NT5C2: variants seen among roughly 807,000 people sequenced by gnomAD.
NT5C2 encodes the protein 5'-nucleotidase, cytosolic II, also known as cytosolic purine 5'-nucleotidase.
Under a neutral mutation model 76.1 loss-of-function variants are expected in NT5C2, and 58 were observed. That is an observed-to-expected ratio of 0.76 (90% confidence interval 0.62 to 0.95). The LOEUF (loss-of-function observed/expected upper bound fraction) is 0.95. Ranked by LOEUF, NT5C2 falls within the 40% of genes least tolerant of loss-of-function variation. The pLI is 0.00. For synonymous variants in NT5C2, 229 were observed against 237.4 expected (o/e 0.96, Z 0.32); for missense variants, 478 against 690.3 (o/e 0.69, Z 3.45).
chr10:103,193,148 G>C (rs921507873), intron 1 of NT5C2, 88 bp downstream of exon 1: 1 of 152,098 alleles, frequency 6.6e-6, no homozygotes, highest in Non-Finnish European at 1.5e-5. Flanking sequence ...CGCTACCCTG[G>C]GGTCGCGTGT....
At chr10:103,161,788 C>T (rs2084954845) in intron 3 of NT5C2, among the ~76,000 whole-genome samples, 1 of 151,924 alleles carries the variant, frequency 6.6e-6, no homozygotes, top group Non-Finnish European at 1.5e-5. Context: ...CACAGAAGGC[C>T]ATAAACTGTA....
chr10:103,153,729 A>G, intron 3 of NT5C2: 1 of 985,440 alleles, frequency 1.0e-6, no homozygotes, highest in South Asian at 4.7e-5. Flanking sequence ...TGGTCGGTCA[A>G]AATCATTTTT....
At chr10:103,093,094 G>C in intron 15 of NT5C2, 45 bp downstream of exon 15, 1 of 1,444,976 alleles carries the variant, frequency 6.9e-7, no homozygotes, top group Non-Finnish European at 9.2e-7. Flanking sequence ...ATTCAAAGCT[G>C]GTCATTTAGA....
intron 18 of NT5C2, 155 bp from the exon 19 acceptor site, chr10:103,090,063 A>C: frequency 1.9e-6 from 1 of 532,984 alleles, no homozygotes; most frequent in Non-Finnish European, 3.2e-6. Flanking sequence ...AGAACTACTT[A>C]TAGTTGCCTG....
intron 3 of NT5C2, among the ~76,000 whole-genome samples, 165 bp downstream of exon 3, chr10:103,174,693 T>A (rs1331887274): frequency 6.6e-6 from 1 of 152,248 alleles, no homozygotes; most frequent in African/African-American, 2.4e-5. Flanking sequence ...AGCAGTATGG[T>A]GTACTAGTAG....
At chr10:103,139,193 T>C (rs1023708374) in intron 4 of NT5C2, among the ~76,000 whole-genome samples, 3 of 152,204 alleles carry the variant, frequency 2.0e-5, no homozygotes, top group Non-Finnish European at 4.4e-5. Context: ...TTTAGTACTT[T>C]TTCTATCTAT....
In NT5C2 at chr10:103,090,419, A is replaced by C. The variant is rs111781201; in HGVS notation, c.1449+192T>G. Among the ~76,000 whole-genome samples, 800 of 152,226 alleles carry C rather than the reference A, an allele frequency of 5.3e-3. 8 individuals carry two copies. The highest frequency in any genetic ancestry group is 0.019 in the African/African-American group (769 of 41,532). On this transcript the variant is annotated intron_variant, in intron 18 of 18. Coordinates refer to ENST00000404739, the MANE Select transcript of NT5C2 (RefSeq NM_001351169.2). The stretch of plus-strand genomic sequence containing the variant: ...TTAATAGAGTAGACTTCAGAGAGTA[A>C]AGTTACACTCTTAACTTCCAATGTT...
intron 4 of NT5C2, among the ~76,000 whole-genome samples, chr10:103,129,156 C>T (rs1351196569): frequency 2.6e-5 from 3 of 114,538 alleles, no homozygotes; most frequent in Non-Finnish European, 3.8e-5. Flanking sequence ...CCAGCCGCCC[C>T]GTCCGGGAGG....
intron 4 of NT5C2, among the ~76,000 whole-genome samples, chr10:103,112,311 T>G (rs1486298449): frequency 6.6e-6 from 1 of 152,156 alleles, no homozygotes; most frequent in Non-Finnish European, 1.5e-5. Context: ...ACTACTAGGT[T>G]AGTCATTATC....
chr10:103,183,769 A>T (rs1490234562), intron 1 of NT5C2, among the ~76,000 whole-genome samples: 1 of 151,996 alleles, frequency 6.6e-6, no homozygotes, highest in Non-Finnish European at 1.5e-5. Context: ...AAGCCAGACC[A>T]CTGCTATGCT....
intron 4 of NT5C2, among the ~76,000 whole-genome samples, chr10:103,115,710 T>C (rs908149573): frequency 6.6e-6 from 1 of 152,154 alleles, no homozygotes; most frequent in East Asian, 1.9e-4. Flanking sequence ...GTGAAAACTT[T>C]AACTGGGATA....
At chr10:103,183,287 A>AT (rs1275822579) in intron 1 of NT5C2, among the ~76,000 whole-genome samples, 3 of 123,000 alleles carry the variant, frequency 2.4e-5, no homozygotes, top group Admixed American at 1.8e-4. Flanking sequence ...ATATATATAT[A>AT]TATATATCAC....
intron 4 of NT5C2, among the ~76,000 whole-genome samples, chr10:103,136,623 A>ATT (rs1321785782): frequency 7.6e-6 from 1 of 132,258 alleles, no homozygotes; most frequent in African/African-American, 2.8e-5. Flanking sequence ...GATTCAGTTA[A>ATT]TTATTTTTTT....
chr10:103,156,839 C>T (rs2083513086), intron 3 of NT5C2, among the ~76,000 whole-genome samples: 1 of 151,724 alleles, frequency 6.6e-6, no homozygotes, highest in Non-Finnish European at 1.5e-5. Flanking sequence ...AGGCAGATCA[C>T]GAGGTCAGGA....
intron 15 of NT5C2, among the ~76,000 whole-genome samples, chr10:103,092,836 A>G (rs552474018): frequency 6.6e-6 from 1 of 152,322 alleles, no homozygotes; most frequent in South Asian, 2.1e-4. Flanking sequence ...GGGACCACAG[A>G]GGAAAAGTTG....
In NT5C2 at chr10:103,090,304, A is replaced by G. The variant is rs533504395; in HGVS notation, c.1449+307T>C. The G allele has an allele frequency of 1.2e-3, 445 of 358,556 alleles. 3 individuals carry two copies. The highest frequency in any genetic ancestry group is 8.4e-3 in the African/African-American group (401 of 47,932). 22.2% of individuals were successfully genotyped at this position (358,556 alleles called of 1,614,324 possible). ...GCAATCACAGCCCACTGCAGCCTCG[A>G]CTTCCTGGGCTCAATCAATCCTCCC... On this transcript the variant is annotated intron_variant, in intron 18 of 18. Coordinates refer to ENST00000404739, the MANE Select transcript of NT5C2 (RefSeq NM_001351169.2).
At chr10:103,167,758 A>G (rs558780212) in intron 3 of NT5C2, among the ~76,000 whole-genome samples, 2 of 152,210 alleles carry the variant, frequency 1.3e-5, no homozygotes, top group South Asian at 2.1e-4. Flanking sequence ...TAGACTCCTG[A>G]GTAACCAGGA....
At chr10:103,112,875 C>T (rs933886433) in intron 4 of NT5C2, among the ~76,000 whole-genome samples, 9 of 152,146 alleles carry the variant, frequency 5.9e-5, no homozygotes, top group African/African-American at 1.4e-4. Context: ...AAGGTGATAA[C>T]GCACATTTTT....
intron 4 of NT5C2, among the ~76,000 whole-genome samples, chr10:103,129,720 T>A (rs1591234103): frequency 4.6e-5 from 4 of 87,154 alleles, no homozygotes; most frequent in Non-Finnish European, 6.9e-5. Flanking sequence ...GGAGCCCCTC[T>A]GCCCGGCCAG....
Sources: gnomAD v4.1 joint callset for allele counts (sites outside exome capture counted in the v4.1 genomes callset) on GRCh38, gnomAD v4.1.1 for gene constraint, MANE v1.5 for transcripts, NCBI Gene and HGNC (gene_info 2026-07-23, HGNC 2026-07-21) for gene names.